Variants in CASP6 observed in about 807,000 individuals in gnomAD.
CASP6 encodes the protein caspase 6.
Under a neutral mutation model 31.8 loss-of-function variants are expected in CASP6, and 20 were observed. The observed-to-expected ratio is 0.63, with a 90% CI of 0.44 to 0.91. The LOEUF (loss-of-function observed/expected upper bound fraction) is 0.91, where lower values mean the gene tolerates loss of function less well. Among genes scored for constraint, CASP6 ranks in the 40% least tolerant of loss-of-function variants. The pLI is 0.00. For synonymous variants in CASP6, 130 were observed against 127.8 expected, an observed-to-expected ratio of 1.02 and a Z score of -0.12; for missense variants, 328 against 361.1, an observed-to-expected ratio of 0.91 and a Z score of 0.74.
downstream of CASP6, among the ~76,000 whole-genome samples, chr4:109,684,119 G>A (rs1579100461): frequency 7.0e-6 from 1 of 143,684 alleles, no homozygotes; most frequent in South Asian, 2.1e-4. Flanking sequence ...CTGGAGTGCA[G>A]TGGAGTGATC....
chr4:109,676,169 G>A, the CASP6 span, among the ~76,000 whole-genome samples: 10 of 152,160 alleles, frequency 6.6e-5, no homozygotes, highest in Admixed American at 3.9e-4. Context: ...GTCAGGGCTC[G>A]GAAGAGAATA....
At chr4:109,703,720 C>A, upstream of CASP6, 1 of 469,366 alleles carries the variant, frequency 2.1e-6, no homozygotes, top group East Asian at 3.7e-5. Flanking sequence ...ACACACAGAC[C>A]GCCTAGCCCG....
At chr4:109,695,574 G>A (rs893316001) in intron 4 of CASP6, among the ~76,000 whole-genome samples, 2 of 152,008 alleles carry the variant, frequency 1.3e-5, no homozygotes, top group African/African-American at 2.4e-5. Flanking sequence ...TGGCCAACAC[G>A]GTGAAACCCC....
intron 5 of CASP6, chr4:109,692,045 G>T (rs1181294308): frequency 6.6e-6 from 1 of 152,174 alleles, no homozygotes; most frequent in Non-Finnish European, 1.5e-5. Context: ...AGATTCTGTT[G>T]TAGCATTATA....
In CASP6 at chr4:109,689,196, G is replaced by T; in HGVS notation, c.*134C>A. 1 of 777,320 alleles carries T rather than the reference G, an allele frequency of 1.3e-6. No homozygotes were observed. The highest frequency in any genetic ancestry group is 1.7e-5 in the South Asian group (1 of 59,986). The allele number at this position is 777,320 out of a possible 1,614,324, so 48.2% of individuals were successfully genotyped here. A position where few individuals can be genotyped will look rare whatever the true frequency, so the allele number is the denominator to read the frequency against. On this transcript the variant is annotated 3_prime_UTR_variant, in exon 7 of 7. Transcript: ENST00000265164. The stretch of plus-strand genomic sequence containing the variant: ...GGGCTTCTCCATGTTGGTCAGGCTG[G>T]TCTCGAACTCCCGACCTCAGGTGAT...
chr4:109,682,838 C>G, the CASP6 span: 168 of 921,052 alleles, frequency 1.8e-4, no homozygotes, highest in African/African-American at 2.6e-3. Context: ...TTTCCATATG[C>G]TAATTTTCTC....
chr4:109,703,110 G>C (rs1730477467), intron 1 of CASP6, among the ~76,000 whole-genome samples: 1 of 152,166 alleles, frequency 6.6e-6, no homozygotes, highest in South Asian at 2.1e-4. Context: ...CGCCGGCGTC[G>C]CTACTCGGGA....
the CASP6 span, among the ~76,000 whole-genome samples, chr4:109,674,350 G>T: frequency 6.6e-6 from 1 of 152,182 alleles, no homozygotes; most frequent in Admixed American, 6.5e-5. Flanking sequence ...ACTTAAACAT[G>T]TCACCTAAAT....
downstream of CASP6, chr4:109,687,467 A>G (rs775004344): frequency 2.0e-5 from 26 of 1,275,354 alleles, no homozygotes; most frequent in Admixed American, 4.5e-4. Context: ...TAATGTTGGT[A>G]TGTTTCTCTT....
chr4:109,695,625 G>A (rs1272750570), intron 4 of CASP6, among the ~76,000 whole-genome samples: 2 of 151,528 alleles, frequency 1.3e-5, no homozygotes, highest in Non-Finnish European at 2.9e-5. Flanking sequence ...GCATGGGGGC[G>A]AGCTACCTGG....
At chr4:109,682,317 T>G in the CASP6 span, among the ~76,000 whole-genome samples, 2 of 118,522 alleles carry the variant, frequency 1.7e-5, no homozygotes, top group East Asian at 2.2e-4. Context: ...AGTCATTTTT[T>G]TGGTGACTTT....
chr4:109,671,930 G>T, the CASP6 span, among the ~76,000 whole-genome samples: 1 of 152,122 alleles, frequency 6.6e-6, no homozygotes, highest in Non-Finnish European at 1.5e-5. Context: ...CTTTCCTCTA[G>T]TGTCCTTATT....
At chr4:109,665,366 C>G in the CASP6 span, among the ~76,000 whole-genome samples, 15,599 of 152,152 alleles carry the variant, frequency 0.1, 1,031 homozygotes, top group South Asian at 0.2. Context: ...GAACCTAACT[C>G]TTGCTTATAT....
At chr4:109,684,870 C>T, downstream of CASP6, 1 of 454,342 alleles carries the variant, frequency 2.2e-6, no homozygotes, top group Non-Finnish European at 3.9e-6. Context: ...ACACAAATTC[C>T]TCCATTGGGA....
chr4:109,686,657 C>T (rs1366529691), downstream of CASP6, among the ~76,000 whole-genome samples: 3 of 152,068 alleles, frequency 2.0e-5, no homozygotes, highest in East Asian at 1.9e-4. Flanking sequence ...GGGAGGATCT[C>T]GAGTCCAGAA....
upstream of CASP6, among the ~76,000 whole-genome samples, chr4:109,706,025 TATATATA>T (rs1210849135): frequency 2.0e-5 from 2 of 99,688 alleles, no homozygotes; most frequent in African/African-American, 9.3e-5. Flanking sequence ...TATATATATA[TATATATA>T]ATATATATAA....
Position 109,689,510 on chromosome 4 carries a change from C to G in CASP6, c.702G>C (p.Glu234Asp). 6.2e-7 allele frequency: 1 copy of G among 1,614,198 alleles called. No individual in the cohort carries two copies. The highest frequency in any genetic ancestry group is 8.5e-7 in the Non-Finnish European group (1 of 1,180,036). ...NGSWYIQDLC[E>D]MLGKYGSSLE... ...AGGAGGAGCCATATTTTCCCAACAT[C>G]TCACACAAATCTTGAATGTACCATG... is the stretch of plus-strand genomic sequence containing the variant. Residue 234 changes from glutamate to aspartate, a missense_variant, in exon 7 of 7, where the codon GAG becomes GAC. Physicochemically the swap from Glu to Asp is conservative, Grantham distance 45. Transcript: ENST00000265164.
At chr4:109,691,060 A>G in intron 5 of CASP6, 51 bp from the exon 6 acceptor site, 1 of 1,564,246 alleles carries the variant, frequency 6.4e-7, no homozygotes, top group East Asian at 2.3e-5. Flanking sequence ...TTTCCTTCCC[A>G]GTGCTTAATG....
At chr4:109,668,929 C>A in the CASP6 span, among the ~76,000 whole-genome samples, 18 of 152,120 alleles carry the variant, frequency 1.2e-4, 1 homozygote, top group Admixed American at 2.6e-4. Context: ...ACAAAATAAT[C>A]CTGATTTCTC....
Sources: allele counts gnomAD v4.1 joint callset (sites outside exome capture counted in the v4.1 genomes callset), GRCh38; gene constraint gnomAD v4.1.1; transcripts MANE v1.5; gene names NCBI Gene and HGNC (gene_info 2026-07-23, HGNC 2026-07-21).